Variants in LINGO2 observed in about 807,000 individuals in gnomAD.
LINGO2 encodes leucine rich repeat and Ig domain containing 2.
Under a neutral mutation model 30.6 loss-of-function variants are expected in LINGO2, and 14 were observed. The ratio of observed to expected loss-of-function variants is 0.46; its 90% CI spans 0.30 to 0.72. LINGO2 has a LOEUF of 0.72. LINGO2 is among the 30% of genes least tolerant of loss of function. The pLI is 0.07. For missense variants in LINGO2, 729 were observed against 751.7 expected, an observed-to-expected ratio of 0.97 and a Z score of 0.35; for synonymous variants, 317 against 288.5, an observed-to-expected ratio of 1.10 and a Z score of -1.00.
chr9:28,104,609 C>T (rs1451353369), intron 4 of LINGO2, among the ~76,000 whole-genome samples: 1 of 151,782 alleles, frequency 6.6e-6, no homozygotes, highest in African/African-American at 2.4e-5. Context: ...AGATGGAACA[C>T]CCTGACTCTC....
At chr9:28,106,440 G>A (rs987379509) in intron 4 of LINGO2, among the ~76,000 whole-genome samples, 5 of 151,952 alleles carry the variant, frequency 3.3e-5, no homozygotes, top group Non-Finnish European at 5.9e-5. Context: ...TCCCCTCTCC[G>A]TGCCCCACCC....
At chr9:27,965,015 C>T (rs1179168124) in intron 5 of LINGO2, among the ~76,000 whole-genome samples, 1 of 152,084 alleles carries the variant, frequency 6.6e-6, no homozygotes, top group Admixed American at 6.6e-5. Context: ...TCTTTACTCT[C>T]CCACAAGAAA....
At chr9:28,943,218 A>G in the LINGO2 span, among the ~76,000 whole-genome samples, 1 of 152,182 alleles carries the variant, frequency 6.6e-6, no homozygotes, top group Non-Finnish European at 1.5e-5. Flanking sequence ...TCTTTGTAGA[A>G]TAATTGCCAC....
At chr9:28,991,681 A>G in the LINGO2 span, among the ~76,000 whole-genome samples, 2 of 151,226 alleles carry the variant, frequency 1.3e-5, no homozygotes, top group Non-Finnish European at 2.9e-5. Flanking sequence ...CAGAAACTCT[A>G]CAAGCCAGAA....
chr9:27,967,990 G>A (rs530439623), intron 5 of LINGO2, among the ~76,000 whole-genome samples: 33 of 152,118 alleles, frequency 2.2e-4, no homozygotes, highest in African/African-American at 7.7e-4. Context: ...GCAGATATTT[G>A]GGAACTTTTA....
the LINGO2 span, among the ~76,000 whole-genome samples, chr9:28,834,011 TTTC>T: frequency 6.7e-6 from 1 of 150,328 alleles, no homozygotes. Flanking sequence ...GTAGAAACTG[TTTC>T]TTGTTTCTTT....
intron 3 of LINGO2, among the ~76,000 whole-genome samples, chr9:28,335,042 T>C (rs567202371): frequency 6.6e-6 from 1 of 152,292 alleles, no homozygotes; most frequent in African/African-American, 2.4e-5. Context: ...TGCCTATCCA[T>C]ATTGGTGGAA....
At chr9:28,166,913 G>C (rs1227740348) in intron 4 of LINGO2, among the ~76,000 whole-genome samples, 1 of 151,990 alleles carries the variant, frequency 6.6e-6, no homozygotes, top group Non-Finnish European at 1.5e-5. Context: ...CTCTTCTGGG[G>C]TTTCTATGAA....
chr9:28,401,816 A>G (rs1484682441), intron 2 of LINGO2, among the ~76,000 whole-genome samples: 1 of 152,118 alleles, frequency 6.6e-6, no homozygotes, highest in African/African-American at 2.4e-5. Context: ...TGATTTTGCA[A>G]TAATTGCCAT....
chr9:28,107,920 T>G (rs1262275831), intron 4 of LINGO2, among the ~76,000 whole-genome samples: 1 of 152,102 alleles, frequency 6.6e-6, no homozygotes, highest in Non-Finnish European at 1.5e-5. Flanking sequence ...AAAAAGGCAG[T>G]CATTTTAGAG....
At chr9:28,605,456 T>C (rs1825658073) in intron 1 of LINGO2, among the ~76,000 whole-genome samples, 1 of 151,994 alleles carries the variant, frequency 6.6e-6, no homozygotes, top group Admixed American at 6.6e-5. Flanking sequence ...TCTTATTTAT[T>C]TCTTGTTTCT....
At chr9:28,265,687 T>C (rs1054146766) in intron 4 of LINGO2, among the ~76,000 whole-genome samples, 6 of 152,034 alleles carry the variant, frequency 3.9e-5, no homozygotes, top group African/African-American at 1.4e-4. Context: ...TACAAACTGG[T>C]GATTCTGGAT....
intron 1 of LINGO2, among the ~76,000 whole-genome samples, chr9:28,649,653 G>A (rs1827998375): frequency 6.6e-6 from 1 of 151,962 alleles, no homozygotes; most frequent in South Asian, 2.1e-4. Context: ...ATAGAAAGTA[G>A]TTAAGAAATT....
At chr9:28,747,858 A>C in the LINGO2 span, among the ~76,000 whole-genome samples, 1 of 152,118 alleles carries the variant, frequency 6.6e-6, no homozygotes, top group Non-Finnish European at 1.5e-5. Context: ...CATTAGAAGA[A>C]AGCAATCTGA....
At chr9:28,521,776 A>G (rs1319158951) in intron 1 of LINGO2, among the ~76,000 whole-genome samples, 3 of 152,192 alleles carry the variant, frequency 2.0e-5, no homozygotes, top group Non-Finnish European at 2.9e-5. Flanking sequence ...ATGAGGTCAT[A>G]CTGGATTGGA....
chr9:28,514,024 T>C (rs1820520357), intron 1 of LINGO2, among the ~76,000 whole-genome samples: 1 of 152,222 alleles, frequency 6.6e-6, no homozygotes, highest in Non-Finnish European at 1.5e-5. Flanking sequence ...GAACTATTCA[T>C]TATTATTATA....
intron 1 of LINGO2, among the ~76,000 whole-genome samples, chr9:28,556,586 G>T (rs1011162174): frequency 9.9e-5 from 15 of 152,092 alleles, no homozygotes; most frequent in East Asian, 9.6e-4. Flanking sequence ...GTCATTTACA[G>T]ATTCAATGCC....
chr9:28,478,907 A>G (rs926492478), intron 1 of LINGO2, among the ~76,000 whole-genome samples: 1 of 151,968 alleles, frequency 6.6e-6, no homozygotes, highest in African/African-American at 2.4e-5. Context: ...ATTTGAGCTA[A>G]CTTCTGCACT....
chr9:28,537,464 G>T (rs558520366), intron 1 of LINGO2, among the ~76,000 whole-genome samples: 2 of 151,904 alleles, frequency 1.3e-5, no homozygotes, highest in African/African-American at 2.4e-5. Context: ...TAGAAAAATA[G>T]TCATGGACTT....
Sources: gnomAD v4.1 joint callset for allele counts (sites outside exome capture counted in the v4.1 genomes callset) on GRCh38, gnomAD v4.1.1 for gene constraint, MANE v1.5 for transcripts, NCBI Gene and HGNC (gene_info 2026-07-23, HGNC 2026-07-21) for gene names.